Variants in EYA4 observed in about 807,000 individuals in gnomAD.
EYA4 encodes EYA transcriptional coactivator and phosphatase 4.
In EYA4, 31 loss-of-function variants were observed where a neutral mutation model predicts 87.9. The observed-to-expected ratio is 0.35, with a 90% CI of 0.27 to 0.48. EYA4 has a LOEUF of 0.48. EYA4 is among the 20% of genes least tolerant of loss of function. The pLI is 0.99. For synonymous variants in EYA4, 263 were observed against 270.6 expected (o/e 0.97, Z 0.28); for missense variants, 678 against 761.4 (o/e 0.89, Z 1.29).
chr6:133,526,027 C>T, intron 19 of EYA4: 1 of 432,954 alleles, frequency 2.3e-6, no homozygotes, highest in Non-Finnish European at 3.1e-6. Context: ...TTTAATAAGC[C>T]TTTTCATCTG....
chr6:133,407,170 G>A (rs1162653240), intron 3 of EYA4, among the ~76,000 whole-genome samples: 1 of 149,618 alleles, frequency 6.7e-6, no homozygotes, highest in East Asian at 2.0e-4. Context: ...TGAGTTAATT[G>A]TTAAAGTGCT....
At chr6:133,253,993 C>T (rs2128234781) in intron 1 of EYA4, among the ~76,000 whole-genome samples, 1 of 152,226 alleles carries the variant, frequency 6.6e-6, no homozygotes, top group South Asian at 2.1e-4. Flanking sequence ...AAGGATGAAT[C>T]CTGTTAACTT....
intron 2 of EYA4, among the ~76,000 whole-genome samples, chr6:133,380,472 G>A (rs994155162): frequency 2.6e-5 from 4 of 152,104 alleles, no homozygotes; most frequent in Non-Finnish European, 4.4e-5. Context: ...ATGATAGGAA[G>A]CTTGTCTGTC....
intron 3 of EYA4, among the ~76,000 whole-genome samples, chr6:133,395,231 ATTTT>A (rs11399757): frequency 7.0e-6 from 1 of 142,804 alleles, no homozygotes. Flanking sequence ...TCACTTAGGG[ATTTT>A]TTTTTTTTTT....
intron 1 of EYA4, among the ~76,000 whole-genome samples, chr6:133,256,651 TTA>T (rs1775362878): frequency 6.6e-6 from 1 of 152,106 alleles, no homozygotes; most frequent in South Asian, 2.1e-4. Context: ...CTGTTACTTA[TTA>T]TAATCTGTTT....
intron 3 of EYA4, among the ~76,000 whole-genome samples, chr6:133,415,013 C>A (rs768734434): frequency 2.0e-5 from 3 of 152,090 alleles, no homozygotes; most frequent in South Asian, 4.1e-4. Flanking sequence ...TTATTTCATC[C>A]AATTTGGTAA....
intron 3 of EYA4, among the ~76,000 whole-genome samples, chr6:133,421,702 C>T (rs1159886540): frequency 6.6e-6 from 1 of 152,080 alleles, no homozygotes. Context: ...TAACTTTGAA[C>T]AACAACAGCT....
At chr6:133,432,454 G>A (rs1428645882) in intron 3 of EYA4, among the ~76,000 whole-genome samples, 1 of 151,820 alleles carries the variant, frequency 6.6e-6, no homozygotes, top group Non-Finnish European at 1.5e-5. Flanking sequence ...ATGAGAAATG[G>A]GCCCAAGTTC....
intron 13 of EYA4, among the ~76,000 whole-genome samples, chr6:133,483,317 T>G (rs1016343796): frequency 6.6e-6 from 1 of 152,194 alleles, no homozygotes; most frequent in Non-Finnish European, 1.5e-5. Flanking sequence ...ATTGAATTCC[T>G]TGCTATTTCT....
chr6:133,492,118 G>A (rs1042201465), intron 13 of EYA4, among the ~76,000 whole-genome samples: 1 of 152,052 alleles, frequency 6.6e-6, no homozygotes, highest in African/African-American at 2.4e-5. Context: ...CAGGGCTATT[G>A]TTACTCTGAT....
At chr6:133,331,957 C>T (rs1028071056) in intron 2 of EYA4, among the ~76,000 whole-genome samples, 15 of 152,310 alleles carry the variant, frequency 9.8e-5, no homozygotes, top group Middle Eastern at 3.4e-3. Context: ...CCTGACCTCA[C>T]CCCAGATCTG....
chr6:133,477,766 C>T (rs1010566379), intron 11 of EYA4, among the ~76,000 whole-genome samples: 3 of 151,682 alleles, frequency 2.0e-5, no homozygotes, highest in Non-Finnish European at 4.4e-5. Flanking sequence ...TATTAAAAGA[C>T]AATAATGAAG....
intron 3 of EYA4, among the ~76,000 whole-genome samples, chr6:133,405,123 C>T (rs926039777): frequency 3.3e-5 from 5 of 152,148 alleles, no homozygotes; most frequent in African/African-American, 1.2e-4. Context: ...CTCCTGTGCT[C>T]ACCATGCCAT....
Position 133,513,053 on chromosome 6 carries a change from T to G in EYA4, c.1501+15T>G. On this transcript the variant is annotated intron_variant, in intron 16 of 19. Coordinates refer to ENST00000355286, the MANE Select transcript of EYA4 (RefSeq NM_004100.5). ...CAACGTTGGAGGTATGTGTGGCTTTTTCAATCTAACAAAGGTACTCTGGGT... is the reference window on the plus strand; with the variant it reads ...CAACGTTGGAGGTATGTGTGGCTTTGTCAATCTAACAAAGGTACTCTGGGT... The G allele has an allele frequency of 6.2e-7, 1 of 1,611,650 alleles. No homozygotes were observed. The highest frequency in any genetic ancestry group is 1.7e-5 in the Admixed American group (1 of 60,016).
At chr6:133,321,772 T>A (rs897575356) in intron 2 of EYA4, among the ~76,000 whole-genome samples, 2 of 152,144 alleles carry the variant, frequency 1.3e-5, no homozygotes, top group Non-Finnish European at 2.9e-5. Context: ...TCACATTAGA[T>A]GAAATTGAGT....
chr6:133,355,651 A>G (rs1247205162), intron 2 of EYA4, among the ~76,000 whole-genome samples: 1 of 152,216 alleles, frequency 6.6e-6, no homozygotes, highest in Admixed American at 6.5e-5. Flanking sequence ...ATTGATTGCT[A>G]TATAAGTACC....
chr6:133,364,230 A>C (rs934168347), intron 2 of EYA4, among the ~76,000 whole-genome samples: 1 of 152,182 alleles, frequency 6.6e-6, no homozygotes, highest in Non-Finnish European at 1.5e-5. Context: ...TTGGGCTGCC[A>C]CTTGAAAAAA....
chr6:133,267,115 C>T (rs922537243), intron 1 of EYA4, among the ~76,000 whole-genome samples: 1 of 152,144 alleles, frequency 6.6e-6, no homozygotes, highest in African/African-American at 2.4e-5. Flanking sequence ...TGTAGTTTTA[C>T]CTGATCCTGT....
chr6:133,449,034 A>C (rs969414157), intron 5 of EYA4, among the ~76,000 whole-genome samples: 15 of 152,208 alleles, frequency 9.9e-5, no homozygotes, highest in African/African-American at 3.4e-4. Flanking sequence ...GTATTTGTAT[A>C]GTTTTAGTTT....
Sources: allele counts gnomAD v4.1 joint callset (sites outside exome capture counted in the v4.1 genomes callset), GRCh38; gene constraint gnomAD v4.1.1; transcripts MANE v1.5; gene names NCBI Gene and HGNC (gene_info 2026-07-23, HGNC 2026-07-21).